ZBTB20: variants seen among roughly 807,000 people sequenced by gnomAD.
ZBTB20 encodes zinc finger and BTB domain-containing protein 20.
A neutral mutation model predicts 56.9 loss-of-function variants in ZBTB20; 9 were observed. The observed-to-expected ratio is 0.16, with a 90% CI of 0.10 to 0.28. The LOEUF is 0.28. Ranked by LOEUF, ZBTB20 falls within the 10% of genes least tolerant of loss-of-function variation. The probability of loss-of-function intolerance (pLI) is 1.00; values close to 1 mark genes in which losing one functional copy is unlikely to be tolerated. For synonymous variants in ZBTB20, 417 were observed against 420.7 expected, an observed-to-expected ratio of 0.99 and a Z score of 0.11; for missense variants, 655 against 1,003.0, an observed-to-expected ratio of 0.65 and a Z score of 4.69.
At chr3:114,344,825 A>G (rs145744137) in intron 11 of ZBTB20, among the ~76,000 whole-genome samples, 1 of 152,354 alleles carries the variant, frequency 6.6e-6, no homozygotes, top group East Asian at 1.9e-4. Context: ...ATGTCTATTT[A>G]CACTGAATTC....
chr3:115,057,663 T>C (rs2081856486), intron 2 of ZBTB20, among the ~76,000 whole-genome samples: 1 of 152,188 alleles, frequency 6.6e-6, no homozygotes, highest in Non-Finnish European at 1.5e-5. Flanking sequence ...ATTACAAATT[T>C]CCATCTTATT....
intron 6 of ZBTB20, among the ~76,000 whole-genome samples, chr3:114,533,084 C>T (rs545246587): frequency 1.3e-5 from 2 of 152,110 alleles, no homozygotes; most frequent in South Asian, 2.1e-4. Flanking sequence ...GTCGTTTCTC[C>T]TCCAAAAAAT....
chr3:114,427,884 AG>A, intron 7 of ZBTB20, among the ~76,000 whole-genome samples: 1 of 152,270 alleles, frequency 6.6e-6, no homozygotes, highest in East Asian at 1.9e-4. Context: ...ACTAAGGGAG[AG>A]GTTATTGTTT....
rs560240376 is a variant in ZBTB20, at chr3:114,702,908, G to C, written c.-342-9333C>G. Reference sequence around the variant, plus strand: ...ATGCCAACTTTACACATTACATTAAGTATTCGTTCAAAATAATTTATAAAT... The same window carrying C: ...ATGCCAACTTTACACATTACATTAACTATTCGTTCAAAATAATTTATAAAT... On this transcript the variant is annotated intron_variant, in intron 5 of 11. Transcript: ENST00000675478. Among the ~76,000 whole-genome samples the C allele has an allele frequency of 4.6e-5, 7 of 151,846 alleles. No homozygotes were observed. The South Asian group carries it at 1.0e-3, about 23-fold the overall frequency.
intron 4 of ZBTB20, among the ~76,000 whole-genome samples, chr3:114,892,815 T>C (rs1363196425): frequency 6.6e-6 from 1 of 152,164 alleles, no homozygotes; most frequent in African/African-American, 2.4e-5. Context: ...TGGACAACTG[T>C]CTCTGAGATA....
At chr3:114,735,954 A>G (rs2066128008) in intron 5 of ZBTB20, among the ~76,000 whole-genome samples, 1 of 152,204 alleles carries the variant, frequency 6.6e-6, no homozygotes, top group African/African-American at 2.4e-5. Context: ...TCAAGTATTT[A>G]TAACACTTAA....
At chr3:115,030,518 G>A (rs910577782) in intron 2 of ZBTB20, among the ~76,000 whole-genome samples, 1 of 150,926 alleles carries the variant, frequency 6.6e-6, no homozygotes, top group Non-Finnish European at 1.5e-5. Flanking sequence ...GTACACATTC[G>A]AAAATATTGG....
chr3:114,319,463 A>C lies in ZBTB20; in HGVS notation c.*19542T>G, dbSNP rs541705472. On this transcript the variant is annotated 3_prime_UTR_variant, in exon 12 of 12. Coordinates refer to ENST00000675478, the MANE Select transcript of ZBTB20 (RefSeq NM_001348800.3). ...TCCCACCCCTGCTCTAAAACAAAAC[A>C]AAACCAGAAAAAAACCAGCAAACAT... 1.3e-5 allele frequency: 2 copies of C among 152,282 alleles called. No homozygotes were observed. The highest frequency in any genetic ancestry group is 3.9e-4 in the East Asian group (2 of 5,184). The allele number at this position is 152,282 out of a possible 1,614,324, so 9.4% of individuals were successfully genotyped here.
chr3:114,673,498 C>G (rs576197433), intron 6 of ZBTB20, among the ~76,000 whole-genome samples: 5 of 152,180 alleles, frequency 3.3e-5, no homozygotes, highest in Non-Finnish European at 5.9e-5. Flanking sequence ...TGCCAAGGGA[C>G]AAGGCTGAAA....
chr3:114,447,299 T>C (rs1395440529), intron 7 of ZBTB20, among the ~76,000 whole-genome samples: 1 of 152,212 alleles, frequency 6.6e-6, no homozygotes, highest in Non-Finnish European at 1.5e-5. Flanking sequence ...CATTACAGTA[T>C]TAAGATGCTT....
rs72960359 is a variant in ZBTB20 at position 114,980,978 on chromosome 3, T to C, written c.-506-6562A>G. On this transcript the variant is annotated intron_variant, in intron 2 of 11. Coordinates refer to ENST00000675478, the MANE Select transcript of ZBTB20 (RefSeq NM_001348800.3). ...TACTAGATTTCTCTGCTTTAGTAAA[T>C]AGGGAATTATAATTTTATCTTTCAC... Among the ~76,000 whole-genome samples the C allele has an allele frequency of 5.6e-3, 858 of 152,104 alleles. 12 individuals are homozygous for C. The highest frequency in any genetic ancestry group is 0.02 in the African/African-American group (829 of 41,538).
chr3:115,066,376 G>A (rs993005651), intron 2 of ZBTB20, among the ~76,000 whole-genome samples: 25 of 151,510 alleles, frequency 1.7e-4, no homozygotes, highest in African/African-American at 9.7e-5. Context: ...CCCCTTCACC[G>A]ATACAGTACC....
intron 2 of ZBTB20, among the ~76,000 whole-genome samples, chr3:115,040,670 TG>T (rs766666579): frequency 1.3e-5 from 2 of 152,154 alleles, no homozygotes; most frequent in Non-Finnish European, 2.9e-5. Context: ...ATATAAGCCA[TG>T]CTAAGGTGTT....
At chr3:114,376,182 G>C (rs2083602582) in intron 10 of ZBTB20, among the ~76,000 whole-genome samples, 1 of 152,128 alleles carries the variant, frequency 6.6e-6, no homozygotes, top group Admixed American at 6.5e-5. Flanking sequence ...GATGGTTTTG[G>C]GAGGGAAGCT....
intron 4 of ZBTB20, among the ~76,000 whole-genome samples, chr3:114,865,426 G>T (rs923960476): frequency 6.6e-6 from 1 of 152,122 alleles, no homozygotes; most frequent in Non-Finnish European, 1.5e-5. Flanking sequence ...TTGGTCCTAG[G>T]TGGCAGATCT....
chr3:114,704,950 C>T (rs965528473), intron 5 of ZBTB20, among the ~76,000 whole-genome samples: 20 of 152,114 alleles, frequency 1.3e-4, no homozygotes, highest in African/African-American at 2.4e-5. Context: ...AAACAAACAA[C>T]ATTCACTCAG....
intron 7 of ZBTB20, among the ~76,000 whole-genome samples, chr3:114,391,901 C>G (rs2085909777): frequency 6.6e-6 from 1 of 152,120 alleles, no homozygotes; most frequent in Non-Finnish European, 1.5e-5. Context: ...CACCAATAGG[C>G]CCAACAGATC....
intron 5 of ZBTB20, among the ~76,000 whole-genome samples, chr3:114,733,110 T>A (rs141870836): frequency 6.6e-6 from 1 of 152,290 alleles, no homozygotes; most frequent in Non-Finnish European, 1.5e-5. Flanking sequence ...ATTTTATTGG[T>A]TTAATGTAAA....
intron 4 of ZBTB20, among the ~76,000 whole-genome samples, chr3:114,826,265 T>TA (rs2073521541): frequency 6.6e-6 from 1 of 151,752 alleles, no homozygotes; most frequent in Non-Finnish European, 1.5e-5. Flanking sequence ...TCGTCATTTT[T>TA]ATACATTCAT....
Sources: allele counts gnomAD v4.1 joint callset (sites outside exome capture counted in the v4.1 genomes callset), GRCh38; gene constraint gnomAD v4.1.1; transcripts MANE v1.5; gene names NCBI Gene and HGNC (gene_info 2026-07-23, HGNC 2026-07-21).